Variants in GRID2 observed in about 807,000 individuals in gnomAD.
GRID2 encodes the protein glutamate receptor ionotropic, delta-2.
Under a neutral mutation model 114.8 loss-of-function variants are expected in GRID2, and 33 were observed. That is an observed-to-expected ratio of 0.29 (90% CI 0.22 to 0.38). The LOEUF is 0.38. GRID2 is among the 10% of genes least tolerant of loss of function. The pLI is 1.00. For synonymous variants in GRID2, 505 were observed against 449.9 expected, an observed-to-expected ratio of 1.12 and a Z score of -1.55; for missense variants, 1,184 against 1,257.7, an observed-to-expected ratio of 0.94 and a Z score of 0.89.
At chr4:93,300,763 G>A (rs72874974) in intron 8 of GRID2, among the ~76,000 whole-genome samples, 8,226 of 152,088 alleles carry the variant, frequency 0.054, 752 homozygotes, top group African/African-American at 0.19. Flanking sequence ...CTTAAAATCC[G>A]AGCTCCCCAA....
rs567419729 is a variant in GRID2 at position 92,596,164 on chromosome 4, G to A, written c.244+5878G>A. Among the ~76,000 whole-genome samples, 212 of 152,208 alleles carry A rather than the reference G, an allele frequency of 1.4e-3. 1 individual carries two copies. Among genetic ancestry groups the A allele is most frequent in the African/African-American group, 5.0e-3 (206 of 41,552 alleles). On this transcript the variant is annotated intron_variant, in intron 2 of 15. Coordinates refer to ENST00000282020, the MANE Select transcript of GRID2 (RefSeq NM_001510.4). ...TTGTCTGACAATAAACTAAACTTGAGAATTGTTGTCTGTAGGAGCTGAGAA... is the reference window on the plus strand; with the variant it reads ...TTGTCTGACAATAAACTAAACTTGAAAATTGTTGTCTGTAGGAGCTGAGAA...
intron 13 of GRID2, among the ~76,000 whole-genome samples, chr4:93,592,789 T>A (rs1240577047): frequency 6.6e-6 from 1 of 152,250 alleles, no homozygotes; most frequent in Non-Finnish European, 1.5e-5. Context: ...TCTTGTTGAA[T>A]TGATGCCTTT....
intron 13 of GRID2, among the ~76,000 whole-genome samples, chr4:93,587,864 G>C (rs1737703006): frequency 1.3e-5 from 2 of 152,054 alleles, no homozygotes; most frequent in East Asian, 3.9e-4. Flanking sequence ...GGTTGATGTG[G>C]ATTTCTTGAA....
intron 1 of GRID2, among the ~76,000 whole-genome samples, chr4:92,398,010 A>G (rs1019097573): frequency 6.6e-6 from 1 of 152,140 alleles, no homozygotes; most frequent in African/African-American, 2.4e-5. Context: ...AATGCTCTAT[A>G]TTCCTTTTGG....
chr4:92,655,545 T>C (rs920979117), intron 2 of GRID2, among the ~76,000 whole-genome samples: 1 of 151,976 alleles, frequency 6.6e-6, no homozygotes, highest in African/African-American at 2.4e-5. Flanking sequence ...TCCTTTTTAA[T>C]TTCTTTCACT....
intron 2 of GRID2, among the ~76,000 whole-genome samples, chr4:92,907,126 A>G (rs544337935): frequency 6.6e-6 from 1 of 152,176 alleles, no homozygotes; most frequent in Non-Finnish European, 1.5e-5. Flanking sequence ...CTTCATGATC[A>G]TCAACCAGTA....
intron 2 of GRID2, among the ~76,000 whole-genome samples, chr4:92,810,580 A>G (rs1052216353): frequency 2.6e-5 from 4 of 152,076 alleles, no homozygotes; most frequent in African/African-American, 9.7e-5. Flanking sequence ...AAAATTTGTG[A>G]GGCATTTGTA....
At chr4:92,644,785 T>C (rs951945317) in intron 2 of GRID2, among the ~76,000 whole-genome samples, 9 of 151,646 alleles carry the variant, frequency 5.9e-5, no homozygotes, top group African/African-American at 1.7e-4. Context: ...AAATAAACTT[T>C]CTCAAATTTA....
intron 4 of GRID2, among the ~76,000 whole-genome samples, chr4:93,190,465 C>A (rs1364457774): frequency 6.6e-6 from 1 of 152,096 alleles, no homozygotes; most frequent in African/African-American, 2.4e-5. Flanking sequence ...TGGTGAACCA[C>A]CTGACAATTT....
At chr4:93,170,566 C>A (rs1738708283) in intron 4 of GRID2, among the ~76,000 whole-genome samples, 1 of 152,140 alleles carries the variant, frequency 6.6e-6, no homozygotes, top group Admixed American at 6.6e-5. Flanking sequence ...GCCATAATAG[C>A]AGTTTTATTT....
chr4:93,007,214 GA>G (rs1259445202), intron 2 of GRID2, among the ~76,000 whole-genome samples: 1 of 151,834 alleles, frequency 6.6e-6, no homozygotes, highest in African/African-American at 2.4e-5. Flanking sequence ...CAACACAACA[GA>G]AAAAATTATA....
At chr4:92,637,496 T>A (rs939054853) in intron 2 of GRID2, among the ~76,000 whole-genome samples, 15 of 152,048 alleles carry the variant, frequency 9.9e-5, no homozygotes, top group African/African-American at 3.6e-4. Flanking sequence ...CGTGTCCTTA[T>A]AAAGGACCAC....
At chr4:92,790,938 T>G (rs1237349994) in intron 2 of GRID2, among the ~76,000 whole-genome samples, 1 of 151,788 alleles carries the variant, frequency 6.6e-6, no homozygotes, top group African/African-American at 2.4e-5. Context: ...TACGTAAGCC[T>G]TATGTTACCT....
chr4:92,469,458 CTAGAT>C (rs531579229), intron 1 of GRID2, among the ~76,000 whole-genome samples: 40 of 152,156 alleles, frequency 2.6e-4, no homozygotes, highest in Admixed American at 1.2e-3. Flanking sequence ...TAGATAATCT[CTAGAT>C]TAGTTATAAT....
chr4:92,671,547 C>A (rs1733072136), intron 2 of GRID2, among the ~76,000 whole-genome samples: 1 of 152,028 alleles, frequency 6.6e-6, no homozygotes, highest in Non-Finnish European at 1.5e-5. Flanking sequence ...CAAATCCTAC[C>A]AAGTTCCAAA....
chr4:93,802,446 A>G (rs1734951760), intron 1 of GRID2, among the ~76,000 whole-genome samples: 1 of 152,154 alleles, frequency 6.6e-6, no homozygotes, highest in South Asian at 2.1e-4. Flanking sequence ...TGTATTGAAC[A>G]TAAAAAGGAG....
chr4:92,936,926 A>C (rs1750717302), intron 2 of GRID2, among the ~76,000 whole-genome samples: 1 of 146,776 alleles, frequency 6.8e-6, no homozygotes, highest in African/African-American at 2.4e-5. Context: ...GCATTTCCCT[A>C]ATGACTAATT....
intron 2 of GRID2, among the ~76,000 whole-genome samples, chr4:92,829,426 G>C (rs1741949033): frequency 6.6e-6 from 1 of 152,074 alleles, no homozygotes; most frequent in Non-Finnish European, 1.5e-5. Context: ...TCATTTAAAA[G>C]TCAGGAAACA....
chr4:93,434,644 T>C (rs1720892744), intron 10 of GRID2, among the ~76,000 whole-genome samples: 1 of 152,260 alleles, frequency 6.6e-6, no homozygotes, highest in African/African-American at 2.4e-5. Context: ...CTCTGGATTG[T>C]AGCCGTAGAG....
Sources: gnomAD v4.1 joint callset for allele counts (sites outside exome capture counted in the v4.1 genomes callset) on GRCh38, gnomAD v4.1.1 for gene constraint, MANE v1.5 for transcripts, NCBI Gene and HGNC (gene_info 2026-07-23, HGNC 2026-07-21) for gene names.